Variants in LMBRD1 observed in about 807,000 individuals in gnomAD.
LMBRD1 encodes the protein lysosomal cobalamin transport escort protein LMBD1.
Under a neutral mutation model 74.8 loss-of-function variants are expected in LMBRD1, and 64 were observed. The ratio of observed to expected loss-of-function variants is 0.86; its 90% CI spans 0.70 to 1.05. The LOEUF (loss-of-function observed/expected upper bound fraction) is 1.05. Ranked by LOEUF, LMBRD1 falls within the 50% of genes least tolerant of loss-of-function variation. The pLI is 0.00. For missense variants in LMBRD1, 652 were observed against 645.9 expected (o/e 1.01, Z -0.10); for synonymous variants, 204 against 216.3 (o/e 0.94, Z 0.50).
intron 3 of LMBRD1, among the ~76,000 whole-genome samples, chr6:69,773,965 C>T (rs764138654): frequency 1.3e-5 from 2 of 152,134 alleles, no homozygotes; most frequent in Non-Finnish European, 2.9e-5. Flanking sequence ...CTATATGATT[C>T]AATTTACATC....
At chr6:69,773,316 T>C (rs756066353) in intron 3 of LMBRD1, among the ~76,000 whole-genome samples, 18 of 152,142 alleles carry the variant, frequency 1.2e-4, no homozygotes, top group Admixed American at 2.0e-4. Flanking sequence ...AGTTCCTTCA[T>C]CTTGAACTTC....
intron 2 of LMBRD1, among the ~76,000 whole-genome samples, chr6:69,782,584 G>A (rs1765859175): frequency 6.6e-6 from 1 of 152,026 alleles, no homozygotes; most frequent in South Asian, 2.1e-4. Flanking sequence ...GGAAGGATGA[G>A]GAATGAGAAT....
chr6:69,763,310 G>T (rs1263293623), intron 3 of LMBRD1, among the ~76,000 whole-genome samples: 3 of 151,626 alleles, frequency 2.0e-5, no homozygotes, highest in Non-Finnish European at 4.4e-5. Context: ...TATCCACATT[G>T]CAAAAAAAAA....
At chr6:69,746,077 T>G in intron 5 of LMBRD1, 1 of 208,042 alleles carries the variant, frequency 4.8e-6, no homozygotes, top group Non-Finnish European at 1.0e-5. Context: ...CCTGTCATCA[T>G]TGGAAATCCC....
At chr6:69,782,548 G>C (rs1437744765) in intron 2 of LMBRD1, among the ~76,000 whole-genome samples, 1 of 152,128 alleles carries the variant, frequency 6.6e-6, no homozygotes, top group Non-Finnish European at 1.5e-5. Context: ...AGGCATTGTA[G>C]TACACACCTA....
rs371894526 is a variant in LMBRD1 at position 69,753,834 on chromosome 6, G to C, written c.308-1478C>G. On this transcript the variant is annotated intron_variant, in intron 3 of 15. Transcript: ENST00000649934. ...TGGGCACCTGTATTCCCAGCTACTC[G>C]GGAGGCTGAGGCAGGAGAATGGCGT... 3.0e-4 allele frequency among the ~76,000 whole-genome samples: 45 copies of C among 152,058 alleles called. No individual in the cohort carries two copies. The East Asian group carries it at 7.0e-3, about 24-fold the overall frequency.
intron 1 of LMBRD1, among the ~76,000 whole-genome samples, chr6:69,791,787 C>A (rs951746260): frequency 4.6e-5 from 7 of 152,174 alleles, no homozygotes; most frequent in African/African-American, 1.7e-4. Context: ...CTGCCCCCAG[C>A]CCTTGAGACA....
At chr6:69,752,529 G>A (rs1443734370) in intron 3 of LMBRD1, among the ~76,000 whole-genome samples, 173 bp from the exon 4 acceptor site, 1 of 151,950 alleles carries the variant, frequency 6.6e-6, no homozygotes, top group Non-Finnish European at 1.5e-5. Flanking sequence ...TCTGTCCCAT[G>A]TCCCAAGAAA....
chr6:69,746,039 G>T, intron 5 of LMBRD1: 1 of 215,058 alleles, frequency 4.6e-6, no homozygotes, highest in South Asian at 8.0e-5. Flanking sequence ...GCAAGTTCTA[G>T]GGCACTGTCA....
intron 7 of LMBRD1, among the ~76,000 whole-genome samples, chr6:69,723,091 T>A (rs779419019): frequency 6.6e-6 from 1 of 152,136 alleles, no homozygotes. Flanking sequence ...AAGAAGATCA[T>A]TATATAGTGA....
At chr6:69,734,705 A>G (rs1232721274) in intron 7 of LMBRD1, among the ~76,000 whole-genome samples, 2 of 152,180 alleles carry the variant, frequency 1.3e-5, no homozygotes, top group Admixed American at 1.3e-4. Flanking sequence ...AACAAAACCA[A>G]TTTTACTACA....
At chr6:69,723,562 T>C (rs1766663169) in intron 7 of LMBRD1, among the ~76,000 whole-genome samples, 1 of 152,082 alleles carries the variant, frequency 6.6e-6, no homozygotes, top group East Asian at 1.9e-4. Flanking sequence ...AATATGCTCC[T>C]AAATGACCAG....
chr6:69,707,635 C>G (rs7749509), intron 9 of LMBRD1, among the ~76,000 whole-genome samples: 86,571 of 151,930 alleles, frequency 0.57, 25,149 homozygotes, highest in East Asian at 0.73. Flanking sequence ...TATCTTCTTT[C>G]TGAAGAAAAT....
At chr6:69,745,891 A>G (rs1268833128) in intron 5 of LMBRD1, 2 of 185,708 alleles carry the variant, frequency 1.1e-5, no homozygotes, top group Non-Finnish European at 2.3e-5. Context: ...TGAAGGCCAG[A>G]CTAAATGGAT....
Position 69,780,602 on chromosome 6 carries a change from C to T in LMBRD1, c.247-48G>A, listed in dbSNP as rs756338175. The T allele has an allele frequency of 4.2e-6, 6 of 1,425,786 alleles. No individual in the cohort carries two copies. In the East Asian group the frequency reaches 1.1e-4, roughly 27 times the overall value. 88.3% of individuals were successfully genotyped at this position (1,425,786 alleles called of 1,614,324 possible). On this transcript the variant is annotated intron_variant, in intron 2 of 15. Coordinates refer to ENST00000649934, the MANE Select transcript of LMBRD1 (RefSeq NM_018368.4). ...AAATATTAATGAAACACCCATTTGC[C>T]TAACAATTAAAAGTCAAGTTTTAAT...
chr6:69,719,174 G>A, intron 7 of LMBRD1, 93 bp from the exon 8 acceptor site: 1 of 1,182,668 alleles, frequency 8.5e-7, no homozygotes. Flanking sequence ...AGTCATAAGA[G>A]TCAGCAGTTG....
chr6:69,785,790 G>C (rs1406074404), intron 2 of LMBRD1, among the ~76,000 whole-genome samples: 3 of 152,170 alleles, frequency 2.0e-5, no homozygotes, highest in Non-Finnish European at 2.9e-5. Context: ...GTCATGAACA[G>C]TCTGGCTCCT....
chr6:69,742,436 G>A (rs1767125267), intron 5 of LMBRD1, among the ~76,000 whole-genome samples: 1 of 152,048 alleles, frequency 6.6e-6, no homozygotes, highest in African/African-American at 2.4e-5. Flanking sequence ...CAACCCACAG[G>A]TGAAAAGGAA....
intron 3 of LMBRD1, among the ~76,000 whole-genome samples, chr6:69,772,835 A>G (rs984365580): frequency 2.6e-5 from 4 of 152,234 alleles, no homozygotes; most frequent in Admixed American, 6.5e-5. Flanking sequence ...TTGATGAGAT[A>G]CTAGTCAGTT....
Sources: gnomAD v4.1 joint callset for allele counts (sites outside exome capture counted in the v4.1 genomes callset) on GRCh38, gnomAD v4.1.1 for gene constraint, MANE v1.5 for transcripts, NCBI Gene and HGNC (gene_info 2026-07-23, HGNC 2026-07-21) for gene names.